ZNF276: variants seen among roughly 807,000 people sequenced by gnomAD.
ZNF276 encodes centromere protein Z.
A neutral mutation model predicts 63.9 loss-of-function variants in ZNF276; 59 were observed. That is an observed-to-expected ratio of 0.92 (90% confidence interval 0.75 to 1.15). ZNF276 has a LOEUF of 1.15. ZNF276 is among the 50% of genes most tolerant of loss of function. The pLI is 0.00. For synonymous variants in ZNF276, 496 were observed against 348.4 expected (o/e 1.42, Z -4.72); for missense variants, 1,084 against 843.8 (o/e 1.28, Z -3.53).
At position 89,733,338 on chromosome 16, in the gene ZNF276, G is replaced by C; in HGVS notation, c.1206G>C (p.Lys402Asn). 6.2e-7 allele frequency: 1 copy of C among 1,614,166 alleles called. No homozygotes were observed. The highest frequency in any genetic ancestry group is 8.5e-7 in the Non-Finnish European group (1 of 1,180,042). The change falls in exon 7 of 11, where the codon AAG becomes AAC. Residue 402 changes from lysine to asparagine, a missense_variant. Physicochemically the swap from Lys to Asn is moderately conservative, Grantham distance 94 (BLOSUM62 0). Transcript: ENST00000443381. ...AGAAGAGTGAAAGCAAAGAAGCCAA[G>C]AAGTCTGAAGAACCAAGAATTCGGA... ...SGKKSESKEA[K>N]KSEEPRIRKK... is the part of the protein sequence containing the mutation.
chr16:89,721,531 T>C (rs915220485), upstream of ZNF276: 2 of 927,998 alleles, frequency 2.2e-6, no homozygotes, highest in Non-Finnish European at 2.9e-6. Context: ...GCTCCGCCCC[T>C]CCCCCGCCCC....
rs2061372835 is a variant in ZNF276, at chr16:89,723,520, C to T, written c.817C>T (p.Gln273Ter). Residue 273 changes from glutamine to a stop codon, truncating the protein, a stop_gained, in exon 4 of 11, where the codon CAG becomes TAG. Transcript: ENST00000443381. LOFTEE classifies it high-confidence loss of function. The stretch of plus-strand genomic sequence containing the variant: ...CAAAGAGACGGCGCCACGGCTGCCC[C>T]AGCACCGAGGGTGGAACCCTGGGGA... ...WDKETAPRLP[Q>*]HRGWNPGDAP... The T allele has an allele frequency of 1.1e-5, 18 of 1,612,840 alleles. No homozygotes were observed. The highest frequency in any genetic ancestry group is 1.4e-5 in the Non-Finnish European group (17 of 1,179,980).
At chr16:89,723,766 G>C in intron 4 of ZNF276, 57 bp downstream of exon 4, 1 of 1,512,116 alleles carries the variant, frequency 6.6e-7, no homozygotes, top group Non-Finnish European at 8.9e-7. Context: ...AGTGGGGCAG[G>C]GTTTTCAGCA....
Position 89,736,795 on chromosome 16 carries a change from C to CAAAAAAAAAAA in ZNF276, c.1475-1002_1475-992dup, listed in dbSNP as rs3039799. ...GGGCAACAGAGCAAGACCCTGTCTC[C>CAAAAAAAAAAA]AAAAAAAAAAAAAAAAAAAGAATCC... is the stretch of plus-strand genomic sequence containing the variant. On this transcript the variant is annotated intron_variant, in intron 9 of 10. Transcript: ENST00000443381. Among the ~76,000 whole-genome samples, 13 of 72,492 alleles carry CAAAAAAAAAAA rather than the reference C, an allele frequency of 1.8e-4. No individual in the cohort carries two copies. The East Asian group carries it at 3.1e-3, about 17-fold the overall frequency. 47.6% of individuals were successfully genotyped at this position (72,492 alleles called of 152,430 possible).
intron 5 of ZNF276, 93 bp from the exon 6 acceptor site, chr16:89,729,142 G>T (rs2061565020): frequency 4.1e-6 from 4 of 979,362 alleles, no homozygotes; most frequent in South Asian, 1.4e-5. Context: ...GTGGGACATG[G>T]GGGTCCATTT....
chr16:89,732,501 G>A (rs1468930127), intron 6 of ZNF276: 1 of 153,698 alleles, frequency 6.5e-6, no homozygotes, highest in African/African-American at 2.4e-5. Context: ...AGGTCGTTTT[G>A]ATAAAGGAGT....
Position 89,739,726 on chromosome 16 carries a change from A to G in ZNF276, c.*1480A>G, listed in dbSNP as rs555400411. 6.6e-5 allele frequency: 99 copies of G among 1,502,088 alleles called. No individual in the cohort carries two copies. In the African/African-American group the frequency reaches 7.7e-4, roughly 12 times the overall value. The allele number at this position is 1,502,088 out of a possible 1,614,324, so 93.0% of individuals were successfully genotyped here. A position where few individuals can be genotyped will look rare whatever the true frequency, so the allele number is the denominator to read the frequency against. ...GGTACCTGTCAGCAGCTGGGAGAGG[A>G]TGGGGGGGTCGACCTCTTGCAGGAG... On this transcript the variant is annotated 3_prime_UTR_variant, in exon 11 of 11. Coordinates refer to ENST00000443381, the MANE Select transcript of ZNF276 (RefSeq NM_001113525.2).
rs973601084 is a variant in ZNF276, at chr16:89,740,654, A to AC, written c.*2411dup. 7.7e-6 allele frequency: 5 copies of AC among 650,290 alleles called. No homozygotes were observed. The highest frequency in any genetic ancestry group is 1.1e-5 in the Non-Finnish European group (4 of 365,974). 40.3% of individuals were successfully genotyped at this position (650,290 alleles called of 1,614,324 possible). A position where few individuals can be genotyped will look rare whatever the true frequency, so the allele number is the denominator to read the frequency against. ...CCCATCTCAAAAAAAAAAAAAAAAA[A>AC]CCCACGGCCTGGGAGTTCTCACTCA... On this transcript the variant is annotated 3_prime_UTR_variant, in exon 11 of 11. Coordinates refer to ENST00000443381, the MANE Select transcript of ZNF276 (RefSeq NM_001113525.2).
chr16:89,740,223 G>C lies in ZNF276; in HGVS notation c.*1977G>C. The C allele has an allele frequency of 2.3e-6, 2 of 856,644 alleles. No homozygotes were observed. Among genetic ancestry groups the C allele is most frequent in the Non-Finnish European group, 4.0e-6 (2 of 498,368 alleles). The allele number at this position is 856,644 out of a possible 1,614,324, so 53.1% of individuals were successfully genotyped here. The stretch of plus-strand genomic sequence containing the variant: ...GCTTATTGTAAGTCTTAAAACTGGT[G>C]ACAGTTTTACCTATAGAAGGTAATA... On this transcript the variant is annotated 3_prime_UTR_variant, in exon 11 of 11. Transcript: ENST00000443381.
intron 4 of ZNF276, among the ~76,000 whole-genome samples, chr16:89,726,416 C>G (rs916470387): frequency 2.0e-5 from 3 of 152,066 alleles, no homozygotes; most frequent in Non-Finnish European, 4.4e-5. Flanking sequence ...AGGCTGGTCT[C>G]GACCTCCCGA....
rs1156984403 is a variant in ZNF276, at chr16:89,730,498, G to T, written c.1169+1180G>T. On this transcript the variant is annotated intron_variant, in intron 6 of 10. Transcript: ENST00000443381. The stretch of plus-strand genomic sequence containing the variant: ...GATCGAGGCAGATTCAGGAGGGGAG[G>T]GTCCTCTCTGCTGAGCCCCTGCTGC... Among the ~76,000 whole-genome samples, 12 of 152,142 alleles carry T rather than the reference G, an allele frequency of 7.9e-5. 2 individuals are homozygous for T. In the South Asian group the frequency reaches 2.3e-3, roughly 29 times the overall value.
chr16:89,740,171 C>CTTCTG lies in ZNF276; in HGVS notation c.*1925_*1926insTTCTG. On this transcript the variant is annotated 3_prime_UTR_variant, in exon 11 of 11. Transcript: ENST00000443381. ...CCCATGGGTAGGAGGGTACAGCCCTCAGCACAGAAGAGGGCATTTCCTCTT... is the reference window on the plus strand; with the variant it reads ...CCCATGGGTAGGAGGGTACAGCCCTCTTCTGAGCACAGAAGAGGGCATTTCCTCTT... The CTTCTG allele has an allele frequency of 8.3e-7, 1 of 1,201,828 alleles. No individual in the cohort carries two copies. The highest frequency in any genetic ancestry group is 1.2e-6 in the Non-Finnish European group (1 of 805,384). The allele number at this position is 1,201,828 out of a possible 1,614,324, so 74.4% of individuals were successfully genotyped here. A position where few individuals can be genotyped will look rare whatever the true frequency, so the allele number is the denominator to read the frequency against.
rs775127852 is a variant in ZNF276 at position 89,737,862 on chromosome 16, C to T, written c.1531C>T (p.Leu511Phe). Residue 511 changes from leucine (L) to phenylalanine (F), a missense_variant, in exon 10 of 11, where the codon CTT becomes TTT. Physicochemically the swap from Leu to Phe is conservative, Grantham distance 22 (BLOSUM62 0). Coordinates refer to ENST00000443381, the MANE Select transcript of ZNF276 (RefSeq NM_001113525.2). ...ACAAACCTTCAAGCAGCGGAAGCAC[C>T]TTCTCGTCCACCAAATGCGACATTC... ...CGQTFKQRKH[L>F]LVHQMRHSGA... The T allele has an allele frequency of 1.2e-6, 2 of 1,614,082 alleles. No individual in the cohort carries two copies. The highest frequency in any genetic ancestry group is 2.7e-5 in the African/African-American group (2 of 74,922).
At chr16:89,734,437 C>A (rs570150991) in intron 9 of ZNF276, among the ~76,000 whole-genome samples, 49 of 152,188 alleles carry the variant, frequency 3.2e-4, no homozygotes, top group Middle Eastern at 3.4e-3. Flanking sequence ...TCAATTCTCC[C>A]GCCTCAGCCT....
intron 5 of ZNF276, among the ~76,000 whole-genome samples, chr16:89,728,941 C>A (rs2061558654): frequency 6.6e-6 from 1 of 152,228 alleles, no homozygotes; most frequent in South Asian, 2.1e-4. Context: ...TAGCAGGAAG[C>A]TACCTTTGAG....
chr16:89,723,625 G>T lies in ZNF276; in HGVS notation c.922G>T (p.Ala308Ser), dbSNP rs1169266255. Residue 308 changes from alanine (A) to serine (S), a missense_variant, in exon 4 of 11, where the codon GCC (alanine) becomes TCC (serine). Physicochemically the swap from Ala to Ser is moderately conservative, Grantham distance 99. Transcript: ENST00000443381. Reference protein sequence around the residue: ...ETKTLPSTDVAQPPSDSDAVG... With the variant: ...ETKTLPSTDVSQPPSDSDAVG... Reference sequence around the variant, plus strand: ...CAAGACCCTGCCCAGCACGGATGTGGCCCAGCCTCCTTCGGACAGCGACGC... The same window carrying T: ...CAAGACCCTGCCCAGCACGGATGTGTCCCAGCCTCCTTCGGACAGCGACGC... 6.2e-7 allele frequency: 1 copy of T among 1,612,750 alleles called. No homozygotes were observed. Among genetic ancestry groups the T allele is most frequent in the Non-Finnish European group, 8.5e-7 (1 of 1,180,008 alleles).
chr16:89,729,646 C>T (rs544895006), intron 6 of ZNF276, among the ~76,000 whole-genome samples: 16 of 152,138 alleles, frequency 1.1e-4, no homozygotes, highest in Non-Finnish European at 1.6e-4. Context: ...TCCCTTCTGC[C>T]GGTCCTGCCC....
intron 4 of ZNF276, among the ~76,000 whole-genome samples, chr16:89,726,547 G>T (rs2061476665): frequency 6.6e-6 from 1 of 152,116 alleles, no homozygotes; most frequent in Non-Finnish European, 1.5e-5. Flanking sequence ...TAGCCAGGTT[G>T]GTCTTGATCT....
At position 89,740,668 on chromosome 16, in the gene ZNF276, A is replaced by C; in HGVS notation, c.*2422A>C. ...AAAAAAAAAAAACCCACGGCCTGGGAGTTCTCACTCACACTTCCGCAAACA... is the reference window on the plus strand; with the variant it reads ...AAAAAAAAAAAACCCACGGCCTGGGCGTTCTCACTCACACTTCCGCAAACA... On this transcript the variant is annotated 3_prime_UTR_variant, in exon 11 of 11. Coordinates refer to ENST00000443381, the MANE Select transcript of ZNF276 (RefSeq NM_001113525.2). 6.1e-6 allele frequency: 4 copies of C among 657,724 alleles called. No homozygotes were observed. The highest frequency in any genetic ancestry group is 2.9e-5 in the East Asian group (1 of 34,470). The allele number at this position is 657,724 out of a possible 1,614,324, so 40.7% of individuals were successfully genotyped here.
Sources: allele counts gnomAD v4.1 joint callset (sites outside exome capture counted in the v4.1 genomes callset), GRCh38; gene constraint gnomAD v4.1.1; transcripts MANE v1.5; gene names NCBI Gene and HGNC (gene_info 2026-07-23, HGNC 2026-07-21).